ERCC2: variants seen among roughly 807,000 people sequenced by gnomAD.
ERCC2 encodes the protein general transcription and DNA repair factor IIH helicase subunit XPD.
Under a neutral mutation model 99.4 loss-of-function variants are expected in ERCC2, and 90 were observed. The ratio of observed to expected loss-of-function variants is 0.91; its 90% CI spans 0.76 to 1.08. The LOEUF (loss-of-function observed/expected upper bound fraction) is 1.08, where lower values mean the gene tolerates loss of function less well. Among genes scored for constraint, ERCC2 ranks in the 50% least tolerant of loss-of-function variants. The probability of loss-of-function intolerance (pLI) is 0.00; values close to 1 mark genes in which losing one functional copy is unlikely to be tolerated. For synonymous variants in ERCC2, 497 were observed against 432.4 expected (o/e 1.15, Z -1.85); for missense variants, 993 against 1,038.1 (o/e 0.96, Z 0.60).
Position 45,352,834 on chromosome 19 carries a change from G to C in ERCC2, c.1832-18C>G, listed in dbSNP as rs897897643. 6.2e-7 allele frequency: 1 copy of C among 1,611,792 alleles called. No homozygotes were observed. Among genetic ancestry groups the C allele is most frequent in the African/African-American group, 1.3e-5 (1 of 74,796 alleles). On this transcript the variant is annotated intron_variant, in intron 19 of 22. Coordinates refer to ENST00000391945, the MANE Select transcript of ERCC2 (RefSeq NM_000400.4). Reference sequence around the variant, plus strand: ...GTGGTGCACTGGTGGGCAGAGGAGAGGGGGCGAGGGGGGTTACAAGTGTGG... The same window carrying C: ...GTGGTGCACTGGTGGGCAGAGGAGACGGGGCGAGGGGGGTTACAAGTGTGG...
Position 45,366,384 on chromosome 19 carries a change from C to T in ERCC2, c.361-1226G>A, listed in dbSNP as rs186201378. Among the ~76,000 whole-genome samples, 11 of 152,234 alleles carry T rather than the reference C, an allele frequency of 7.2e-5. No homozygotes were observed. In the East Asian group the frequency reaches 2.1e-3, roughly 29 times the overall value. ...CTCGAACTCCTGATCTCAGGTGATC[C>T]ACCCGCCTCGGCCTCCCAAAGTGCT... On this transcript the variant is annotated intron_variant, in intron 5 of 22. Transcript: ENST00000391945.
intron 12 of ERCC2, among the ~76,000 whole-genome samples, chr19:45,359,678 T>C (rs978300407): frequency 6.6e-6 from 1 of 152,032 alleles, no homozygotes; most frequent in Non-Finnish European, 1.5e-5. Context: ...AACCATACCT[T>C]TCTCTCTCCC....
rs747842557 is a variant in ERCC2 at position 45,352,367 on chromosome 19, G to A, written c.2047-15C>T. The A allele has an allele frequency of 4.1e-5, 66 of 1,613,660 alleles. No individual in the cohort carries two copies. The highest frequency in any genetic ancestry group is 3.3e-4 in the East Asian group (15 of 44,890). On this transcript the variant is annotated splice_polypyrimidine_tract_variant and intron_variant, in intron 21 of 22. Coordinates refer to ENST00000391945, the MANE Select transcript of ERCC2 (RefSeq NM_000400.4). ...CGGGCAAACCGCTGTGGGCAGAAGCGCAGGCCAGGGACAGAAGGTCATTCG... is the reference window on the plus strand; with the variant it reads ...CGGGCAAACCGCTGTGGGCAGAAGCACAGGCCAGGGACAGAAGGTCATTCG...
At chr19:45,367,335 A>AAAAAC (rs556264072) in intron 5 of ERCC2, among the ~76,000 whole-genome samples, 4 of 147,486 alleles carry the variant, frequency 2.7e-5, no homozygotes, top group Admixed American at 6.9e-5. Context: ...ACTCCGTCTC[A>AAAAAC]AAAACAAAAC....
At chr19:45,354,963 C>A (rs564553580) in intron 16 of ERCC2, 112 bp from the exon 17 acceptor site, 8 of 1,374,950 alleles carry the variant, frequency 5.8e-6, no homozygotes, top group East Asian at 2.3e-5. Flanking sequence ...AGGCTTTTCA[C>A]ACATATCCCC....
chr19:45,362,256 C>T (rs1297474196), intron 11 of ERCC2, among the ~76,000 whole-genome samples: 1 of 152,158 alleles, frequency 6.6e-6, no homozygotes. Context: ...AAGAGACGCA[C>T]AATCACACCC....
intron 2 of ERCC2, 78 bp from the exon 3 acceptor site, chr19:45,369,225 C>T: frequency 2.7e-6 from 3 of 1,121,416 alleles, no homozygotes; most frequent in Non-Finnish European, 4.1e-6. Context: ...CTCTCCCCGA[C>T]CCCCAATGCC....
chr19:45,350,485 ATCTCAGTGTCCCCC>A lies in ERCC2; in HGVS notation c.*1130_*1143del, dbSNP rs766620312. 3.1e-6 allele frequency: 5 copies of A among 1,612,364 alleles called. No homozygotes were observed. The South Asian group carries it at 5.5e-5, about 18-fold the overall frequency. Reference sequence around the variant, plus strand: ...CTCCTGGTGGCTTCTCTATGTCCCCATCTCAGTGTCCCCCATCTTTCCCCCTAGGTGCCCCCAAC... The same window carrying A: ...CTCCTGGTGGCTTCTCTATGTCCCCAATCTTTCCCCCTAGGTGCCCCCAAC... On this transcript the variant is annotated 3_prime_UTR_variant, in exon 23 of 23. Transcript: ENST00000391945.
rs1005989816 is a variant in ERCC2, at chr19:45,357,803, C to T, written c.1238-104G>A. 10 of 1,027,822 alleles carry T rather than the reference C, an allele frequency of 9.7e-6. No individual in the cohort carries two copies. The African/African-American group carries it at 1.3e-4, about 13-fold the overall frequency. The allele number at this position is 1,027,822 out of a possible 1,614,324, so 63.7% of individuals were successfully genotyped here. A position where few individuals can be genotyped will look rare whatever the true frequency, so the allele number is the denominator to read the frequency against. ...CTCCCTCGCTTCACCCCAATCTCCA[C>T]CCCGTACTGCCTGGGAGTAAATGCG... is the stretch of plus-strand genomic sequence containing the variant. On this transcript the variant is annotated intron_variant, in intron 12 of 22. Transcript: ENST00000391945.
intron 12 of ERCC2, among the ~76,000 whole-genome samples, chr19:45,361,303 C>CT (rs1218576311): frequency 6.6e-6 from 1 of 152,118 alleles, no homozygotes; most frequent in Non-Finnish European, 1.5e-5. Context: ...TGCCATCCTT[C>CT]TCCACTCTGC....
rs146100073 is a variant in ERCC2 at position 45,350,379 on chromosome 19, G to A, written c.*1250C>T. The A allele has an allele frequency of 4.8e-4, 782 of 1,613,668 alleles. No individual in the cohort carries two copies. The highest frequency in any genetic ancestry group is 1.4e-3 in the South Asian group (129 of 91,036). Reference sequence around the variant, plus strand: ...TGAAACAGAACAAGTATCAACAAGCGGAAGAGCTGTACAAAGAAATCCTCC... The same window carrying A: ...TGAAACAGAACAAGTATCAACAAGCAGAAGAGCTGTACAAAGAAATCCTCC... On this transcript the variant is annotated 3_prime_UTR_variant, in exon 23 of 23. Coordinates refer to ENST00000391945, the MANE Select transcript of ERCC2 (RefSeq NM_000400.4).
chr19:45,356,533 C>T (rs995084935), intron 15 of ERCC2, among the ~76,000 whole-genome samples: 35 of 152,278 alleles, frequency 2.3e-4, no homozygotes, highest in Middle Eastern at 3.4e-3. Flanking sequence ...CAAATGGCTG[C>T]GCGCAGTGGC....
Position 45,365,132 on chromosome 19 carries a change from G to A in ERCC2, c.387C>T (p.Asp129=), listed in dbSNP as rs199993007. ...PEVTPLRFGK[D]VDGKCHSLTA... The stretch of plus-strand genomic sequence containing the variant: ...TGAGGCTGTGGCATTTCCCATCGAC[G>A]TCCTTCCCAAAGCGCAGGGGTGTCA... Residue 129 remains aspartate, a synonymous_variant, in exon 6 of 23, where the codon GAC becomes GAT. Transcript: ENST00000391945. The A allele has an allele frequency of 4.2e-4, 683 of 1,614,112 alleles. 7 individuals are homozygous for A. In the South Asian group the frequency reaches 6.5e-3, roughly 15 times the overall value.
chr19:45,352,275 C>G lies in ERCC2; in HGVS notation c.2124G>C (p.Leu708=), dbSNP rs780405292. 3 of 1,614,130 alleles carry G rather than the reference C, an allele frequency of 1.9e-6. No individual in the cohort carries two copies. The highest frequency in any genetic ancestry group is 1.7e-6 in the Non-Finnish European group (2 of 1,180,018). Residue 708 remains leucine (L), a synonymous_variant, in exon 22 of 23, where the codon CTG becomes CTC. Coordinates refer to ENST00000391945, the MANE Select transcript of ERCC2 (RefSeq NM_000400.4). ...CCACCTGGACACCCTCGTCCACGGT[C>G]AGGTTGAGGTTGGCATCTGTGAGGT... ...QEHLTDANLN[L]TVDEGVQVAK... is the part of the protein sequence containing the mutation.
At position 45,351,565 on chromosome 19, in the gene ERCC2, G is replaced by GGGAACCAGGGCCAGGCAAGACTC; in HGVS notation, c.*41_*63dup. The GGGAACCAGGGCCAGGCAAGACTC allele has an allele frequency of 6.2e-7, 1 of 1,610,104 alleles. No individual in the cohort carries two copies. The stretch of plus-strand genomic sequence containing the variant: ...AAGACCTTCTAGCACCACCGCCGCT[G>GGGAACCAGGGCCAGGCAAGACTC]GGAACCAGGGCCAGGCAAGACTCAG... On this transcript the variant is annotated 3_prime_UTR_variant, in exon 23 of 23. Coordinates refer to ENST00000391945, the MANE Select transcript of ERCC2 (RefSeq NM_000400.4).
chr19:45,360,246 A>G (rs1309241891), intron 12 of ERCC2, among the ~76,000 whole-genome samples: 1 of 151,018 alleles, frequency 6.6e-6, no homozygotes, highest in African/African-American at 2.4e-5. Context: ...ACGCCCAGCT[A>G]ACTTTTTTTG....
At chr19:45,352,168 C>CTCAGCCTGG (rs1435338645) in intron 22 of ERCC2, 41 bp downstream of exon 22, 1 of 1,609,190 alleles carries the variant, frequency 6.2e-7, no homozygotes, top group Non-Finnish European at 8.5e-7. Flanking sequence ...GGAGGAGAAG[C>CTCAGCCTGG]TCAGCCTGGG....
chr19:45,350,278 G>A lies in ERCC2; in HGVS notation c.*1351C>T, dbSNP rs114207479. On this transcript the variant is annotated 3_prime_UTR_variant, in exon 23 of 23. Coordinates refer to ENST00000391945, the MANE Select transcript of ERCC2 (RefSeq NM_000400.4). ...TCTCTACAAAAAAAAAAAAAAAGGC[G>A]GGACTGGATGCAGTGTTGGGAACTG... 1.2e-3 allele frequency: 1,580 copies of A among 1,266,536 alleles called. 21 individuals carry two copies. The African/African-American group carries it at 0.021, about 17-fold the overall frequency. The allele number at this position is 1,266,536 out of a possible 1,614,324, so 78.5% of individuals were successfully genotyped here.
At position 45,352,319 on chromosome 19, in the gene ERCC2, G is replaced by A. The variant is rs764868582; in HGVS notation, c.2080C>T (p.Pro694Ser). Residue 694 changes from proline (P) to serine (S), a missense_variant, in exon 22 of 23, where the codon CCC (proline) becomes TCC (serine). Physicochemically the swap from Pro to Ser is moderately conservative, Grantham distance 74. Transcript: ENST00000391945. ...FARGDKRGKL[P>S]RWIQEHLTDA... Reference sequence around the variant, plus strand: ...GTGAGGTGCTCCTGGATCCAGCGGGGCAGCTTCCCCCGCTTGTCCCCACGG... The same window carrying A: ...GTGAGGTGCTCCTGGATCCAGCGGGACAGCTTCCCCCGCTTGTCCCCACGG... The A allele has an allele frequency of 4.3e-6, 7 of 1,613,966 alleles. No individual in the cohort carries two copies. Among genetic ancestry groups the A allele is most frequent in the Non-Finnish European group, 5.1e-6 (6 of 1,180,030 alleles).
Sources: gnomAD v4.1 joint callset for allele counts (sites outside exome capture counted in the v4.1 genomes callset) on GRCh38, gnomAD v4.1.1 for gene constraint, MANE v1.5 for transcripts, NCBI Gene and HGNC (gene_info 2026-07-23, HGNC 2026-07-21) for gene names.